Variants in SHOC2 observed in about 807,000 individuals in gnomAD.
SHOC2 encodes leucine-rich repeat protein SHOC-2.
Under a neutral mutation model 50.2 loss-of-function variants are expected in SHOC2, and 4 were observed. The ratio of observed to expected loss-of-function variants is 0.08; its 90% CI spans 0.04 to 0.18. The LOEUF (loss-of-function observed/expected upper bound fraction) is 0.18, where lower values mean the gene tolerates loss of function less well. Among genes scored for constraint, SHOC2 ranks in the 10% least tolerant of loss-of-function variants. SHOC2 has a pLI of 1.00. For missense variants in SHOC2, 388 were observed against 669.6 expected (o/e 0.58, Z 4.64); for synonymous variants, 218 against 244.5 (o/e 0.89, Z 1.01).
intron 2 of SHOC2, among the ~76,000 whole-genome samples, chr10:110,966,945 G>A (rs931126973): frequency 6.6e-6 from 1 of 152,048 alleles, no homozygotes; most frequent in Admixed American, 6.6e-5. Flanking sequence ...TTTTTCATAA[G>A]GAATTATGAT....
intron 1 of SHOC2, among the ~76,000 whole-genome samples, chr10:110,961,028 G>A (rs964479843): frequency 1.3e-5 from 2 of 152,106 alleles, no homozygotes; most frequent in Non-Finnish European, 2.9e-5. Flanking sequence ...GTATTCAAGG[G>A]AGCTAACATA....
intron 1 of SHOC2, among the ~76,000 whole-genome samples, chr10:110,930,915 T>G (rs999608405): frequency 6.6e-6 from 1 of 152,082 alleles, no homozygotes; most frequent in Non-Finnish European, 1.5e-5. Flanking sequence ...TTTATGCATA[T>G]GGTGAGTTGA....
chr10:111,010,563 A>G (rs1848548641), intron 8 of SHOC2, among the ~76,000 whole-genome samples: 1 of 152,180 alleles, frequency 6.6e-6, no homozygotes, highest in Admixed American at 6.6e-5. Context: ...GGATAGCATT[A>G]GGAGATATAC....
intron 1 of SHOC2, among the ~76,000 whole-genome samples, chr10:110,933,744 A>G (rs1454080106): frequency 6.6e-6 from 1 of 152,210 alleles, no homozygotes; most frequent in Non-Finnish European, 1.5e-5. Context: ...GCTGCAGTGC[A>G]CACTGATCAC....
intron 2 of SHOC2, among the ~76,000 whole-genome samples, chr10:110,969,795 G>T (rs138396629): frequency 7.2e-5 from 11 of 152,026 alleles, no homozygotes; most frequent in African/African-American, 2.7e-4. Flanking sequence ...AACCTTTTTT[G>T]CTTAGGAAAA....
chr10:110,944,748 G>A (rs1847216012), intron 1 of SHOC2, among the ~76,000 whole-genome samples: 1 of 152,184 alleles, frequency 6.6e-6, no homozygotes, highest in African/African-American at 2.4e-5. Flanking sequence ...TATTTGATGT[G>A]TGTGACTACC....
rs182665126 is a variant in SHOC2, at chr10:110,993,777, T to C, written c.842-6638T>C. Among the ~76,000 whole-genome samples the C allele has an allele frequency of 1.6e-4, 25 of 152,332 alleles. 1 individual carries two copies. The East Asian group carries it at 4.4e-3, about 27-fold the overall frequency. ...AGAAATTTCAAGAATCTGGTTCTAT[T>C]TACTAGGCTTTTGAGTTGACAAACA... On this transcript the variant is annotated intron_variant, in intron 3 of 8. Transcript: ENST00000369452.
rs370015529 is a variant in SHOC2 at position 110,984,808 on chromosome 10, G to A, written c.704-820G>A. Among the ~76,000 whole-genome samples the A allele has an allele frequency of 3.2e-3, 486 of 152,208 alleles. 26 individuals are homozygous for A. The South Asian group carries it at 0.093, about 29-fold the overall frequency. The stretch of plus-strand genomic sequence containing the variant: ...GTAAATTGAGAAGCAGTTTTTATTT[G>A]TAAATGTCAATTTATGCATTTATAT... On this transcript the variant is annotated intron_variant, in intron 2 of 8. Coordinates refer to ENST00000369452, the MANE Select transcript of SHOC2 (RefSeq NM_007373.4).
chr10:111,011,576 T>G, intron 8 of SHOC2, 34 bp from the exon 9 acceptor site: 3 of 1,538,322 alleles, frequency 2.0e-6, no homozygotes, highest in Non-Finnish European at 1.8e-6. Flanking sequence ...TAGCAACTAA[T>G]TTTTAAAAAA....
chr10:110,996,826 C>T (rs947319444), intron 3 of SHOC2, among the ~76,000 whole-genome samples: 2 of 152,126 alleles, frequency 1.3e-5, no homozygotes, highest in Non-Finnish European at 2.9e-5. Context: ...GTGGATAACT[C>T]ACTAAGTGTA....
chr10:110,981,876 T>TTTATTATACTC (rs369735711), intron 2 of SHOC2, among the ~76,000 whole-genome samples: 3 of 135,412 alleles, frequency 2.2e-5, no homozygotes, highest in Admixed American at 1.5e-4. Context: ...ATTTATTTTT[T>TTTATTATACTC]TAAGTTTTAG....
At chr10:110,929,012 AG>A (rs1038012456) in intron 1 of SHOC2, among the ~76,000 whole-genome samples, 3 of 152,238 alleles carry the variant, frequency 2.0e-5, no homozygotes, top group Non-Finnish European at 2.9e-5. Flanking sequence ...TGATATTTGC[AG>A]GTATATATGT....
intron 1 of SHOC2, among the ~76,000 whole-genome samples, chr10:110,931,640 A>T (rs991762891): frequency 6.6e-6 from 1 of 152,166 alleles, no homozygotes; most frequent in Admixed American, 6.5e-5. Flanking sequence ...AACTCCATGC[A>T]TGAGATGAAA....
At chr10:110,989,608 A>T (rs1848144212) in intron 3 of SHOC2, among the ~76,000 whole-genome samples, 1 of 152,216 alleles carries the variant, frequency 6.6e-6, no homozygotes, top group South Asian at 2.1e-4. Context: ...GTACAAAAAT[A>T]AGAGGCCAGT....
At chr10:110,968,849 C>A (rs1034833796) in intron 2 of SHOC2, among the ~76,000 whole-genome samples, 14 of 151,908 alleles carry the variant, frequency 9.2e-5, no homozygotes, top group Non-Finnish European at 1.8e-4. Flanking sequence ...CGAAATAGAG[C>A]CTACTATTTA....
intron 1 of SHOC2, among the ~76,000 whole-genome samples, chr10:110,949,713 A>G (rs1847314042): frequency 6.6e-6 from 1 of 152,192 alleles, no homozygotes; most frequent in Non-Finnish European, 1.5e-5. Context: ...ATTCAGCAAC[A>G]CATTAAAAGG....
intron 6 of SHOC2, among the ~76,000 whole-genome samples, chr10:111,008,922 A>G (rs1191982996): frequency 6.6e-6 from 1 of 152,142 alleles, no homozygotes; most frequent in Non-Finnish European, 1.5e-5. Flanking sequence ...TTCCTTAAGT[A>G]ATGGTTTGTA....
chr10:110,953,431 AT>A (rs1271219558), intron 1 of SHOC2, among the ~76,000 whole-genome samples: 2 of 152,288 alleles, frequency 1.3e-5, no homozygotes, highest in East Asian at 3.9e-4. Flanking sequence ...AGAAATGTGC[AT>A]TTAAAATTCT....
chr10:111,010,836 C>G (rs1178482008), intron 8 of SHOC2, among the ~76,000 whole-genome samples: 2 of 152,142 alleles, frequency 1.3e-5, no homozygotes, highest in African/African-American at 4.8e-5. Flanking sequence ...CAAGGTTGTT[C>G]TGAAGCTTAA....
Sources: gnomAD v4.1 joint callset for allele counts (sites outside exome capture counted in the v4.1 genomes callset) on GRCh38, gnomAD v4.1.1 for gene constraint, MANE v1.5 for transcripts, NCBI Gene and HGNC (gene_info 2026-07-23, HGNC 2026-07-21) for gene names.